BPIFB6: variants seen among roughly 807,000 people sequenced by gnomAD.
BPIFB6 encodes BPI fold-containing family B member 6.
A neutral mutation model predicts 54.7 loss-of-function variants in BPIFB6; 47 were observed. The ratio of observed to expected loss-of-function variants is 0.86; its 90% confidence interval spans 0.68 to 1.10. The LOEUF (loss-of-function observed/expected upper bound fraction) is 1.10. Among genes scored for constraint, BPIFB6 ranks in the 50% least tolerant of loss-of-function variants. The pLI is 0.00. For missense variants in BPIFB6, 603 were observed against 564.1 expected, an observed-to-expected ratio of 1.07 and a Z score of -0.70; for synonymous variants, 255 against 225.9, an observed-to-expected ratio of 1.13 and a Z score of -1.16.
At chr20:33,033,986 T>G (rs984968672) in intron 2 of BPIFB6, among the ~76,000 whole-genome samples, 200 bp from the exon 3 acceptor site, 1 of 152,088 alleles carries the variant, frequency 6.6e-6, no homozygotes, top group African/African-American at 2.4e-5. Flanking sequence ...ATATAATGAG[T>G]GCTTTCTATA....
intron 11 of BPIFB6, among the ~76,000 whole-genome samples, chr20:33,041,508 T>TAG (rs1568987891): frequency 6.6e-6 from 1 of 152,038 alleles, no homozygotes; most frequent in Non-Finnish European, 1.5e-5. Context: ...GTTACTGGAA[T>TAG]AGAGAATAGA....
chr20:33,036,405 G>A lies in BPIFB6; in HGVS notation c.578-40G>A, dbSNP rs752561190. On this transcript the variant is annotated intron_variant, in intron 6 of 14. Coordinates refer to ENST00000349552, the MANE Select transcript of BPIFB6 (RefSeq NM_174897.2). ...TGCCAGCTTCTCTGGGCTGTTCCTG[G>A]GGTTGGTGCCTCTTTGAGTGGAACC... The A allele has an allele frequency of 1.0e-4, 158 of 1,551,482 alleles. 7 individuals carry two copies. In the South Asian group the frequency reaches 1.9e-3, roughly 18 times the overall value.
chr20:33,035,764 C>T, intron 6 of BPIFB6, 92 bp downstream of exon 6: 2 of 1,336,270 alleles, frequency 1.5e-6, no homozygotes, highest in Non-Finnish European at 2.2e-6. Context: ...GTGCCTGCTT[C>T]CAGCCCAGCC....
intron 5 of BPIFB6, 27 bp from the exon 6 acceptor site, chr20:33,035,585 T>A: frequency 6.2e-7 from 1 of 1,613,608 alleles, no homozygotes; most frequent in Non-Finnish European, 8.5e-7. Context: ...AGGGACCCTC[T>A]CAGCCCAGTG....
At chr20:33,042,153 C>T (rs1979617915) in intron 12 of BPIFB6, 138 bp downstream of exon 12, 1 of 816,664 alleles carries the variant, frequency 1.2e-6, no homozygotes, top group East Asian at 2.7e-5. Context: ...GCGCACCTGA[C>T]TTGCCGTGTG....
intron 3 of BPIFB6, 82 bp downstream of exon 3, chr20:33,034,372 C>A (rs1979240176): frequency 5.2e-6 from 5 of 968,904 alleles, no homozygotes; most frequent in South Asian, 1.3e-5. Flanking sequence ...TGAGTGCCTA[C>A]TGTGTACCAT....
chr20:33,040,985 CTTTTTT>C (rs59134684), intron 11 of BPIFB6, among the ~76,000 whole-genome samples: 2 of 116,846 alleles, frequency 1.7e-5, no homozygotes. Flanking sequence ...AGGAGTAGTT[CTTTTTT>C]TTTTTTTTTT....
Position 33,042,840 on chromosome 20 carries a change from C to T in BPIFB6, c.1214C>T (p.Thr405Ile), listed in dbSNP as rs151104041. 1.2e-6 allele frequency: 2 copies of T among 1,614,202 alleles called. No individual in the cohort carries two copies. Among genetic ancestry groups the T allele is most frequent in the Non-Finnish European group, 1.7e-6 (2 of 1,180,022 alleles). The stretch of plus-strand genomic sequence containing the variant: ...GAGAGGGAATTAACTGGCTTCATCA[C>T]CAGCTATCTCGAAGAAGCCTACATC... ...FNERELTGFITSYLEEAYIPV... is the reference protein window; with the variant it reads ...FNERELTGFIISYLEEAYIPV... The change falls in exon 13 of 15, where the codon ACC becomes ATC. Residue 405 changes from threonine to isoleucine, a missense_variant. Thr to Ile is a moderately conservative substitution (Grantham distance 89). Transcript: ENST00000349552.
intron 9 of BPIFB6, 87 bp downstream of exon 9, chr20:33,039,049 C>A: frequency 1.4e-6 from 2 of 1,399,070 alleles, no homozygotes; most frequent in Non-Finnish European, 2.0e-6. Flanking sequence ...TGGGAGACAG[C>A]TTTTCATGCC....
chr20:33,033,474 G>C (rs1395457098), intron 2 of BPIFB6: 3 of 454,206 alleles, frequency 6.6e-6, no homozygotes, highest in Non-Finnish European at 1.3e-5. Context: ...TCCTCTGCCA[G>C]TGCCACATGA....
At chr20:33,038,293 C>T (rs572510609) in intron 8 of BPIFB6, among the ~76,000 whole-genome samples, 79 of 152,274 alleles carry the variant, frequency 5.2e-4, no homozygotes, top group Non-Finnish European at 9.7e-4. Flanking sequence ...GTTCATTCCC[C>T]GCTGATCTAT....
rs749535335 is a variant in BPIFB6 at position 33,037,545 on chromosome 20, C to T, written c.670-17C>T. On this transcript the variant is annotated splice_polypyrimidine_tract_variant and intron_variant, in intron 7 of 14. Transcript: ENST00000349552. ...CTCTCGGCCAAGGCTGAGTGTCTCC[C>T]TCCTGCTGCCCCATAGCCTGTGGTG... 1 of 1,592,796 alleles carries T rather than the reference C, an allele frequency of 6.3e-7. No individual in the cohort carries two copies. The highest frequency in any genetic ancestry group is 1.7e-5 in the Admixed American group (1 of 58,368).
intron 3 of BPIFB6, 120 bp from the exon 4 acceptor site, chr20:33,034,643 G>A (rs1979250416): frequency 1.7e-6 from 2 of 1,149,658 alleles, no homozygotes; most frequent in Admixed American, 4.5e-5. Flanking sequence ...TTTCTGTCTT[G>A]TAGGGGTGGT....
intron 8 of BPIFB6, 137 bp downstream of exon 8, chr20:33,037,875 C>T: frequency 3.3e-6 from 3 of 915,528 alleles, no homozygotes; most frequent in Non-Finnish European, 5.0e-6. Flanking sequence ...ATTTGAGTTT[C>T]TCTCAGCAGT....
chr20:33,041,931 TC>T lies in BPIFB6; in HGVS notation c.1143-35del, dbSNP rs538568651. On this transcript the variant is annotated intron_variant, in intron 11 of 14. Coordinates refer to ENST00000349552, the MANE Select transcript of BPIFB6 (RefSeq NM_174897.2). ...AGGGCCACTGGCTCTGACCGTTCTT[TC>T]CCCTCCCCGCCTGGCTTGCTTCCCC... The T allele has an allele frequency of 4.5e-5, 72 of 1,605,954 alleles. No homozygotes were observed. In the African/African-American group the frequency reaches 8.2e-4, roughly 18 times the overall value.
At position 33,037,589 on chromosome 20, in the gene BPIFB6, A is replaced by G. The variant is rs764660272; in HGVS notation, c.697A>G (p.Thr233Ala). 3 of 1,613,248 alleles carry G rather than the reference A, an allele frequency of 1.9e-6. No individual in the cohort carries two copies. In the South Asian group the frequency reaches 3.3e-5, roughly 18 times the overall value. ...TGTGGTGCAGCAGCAAAAGGGCAAA[A>G]CCATCAAGCTTGCTGATGCCGGGGA... ...SPVVQQQKGK[T>A]IKLADAGEAL... Residue 233 changes from threonine to alanine, a missense_variant, in exon 8 of 15, where the codon ACC becomes GCC. By Grantham distance (58) the Thr-to-Ala change is moderately conservative. Transcript: ENST00000349552.
chr20:33,036,518 C>CA lies in BPIFB6; in HGVS notation c.652dup (p.Ile218AsnfsTer21), dbSNP rs749271021. The stretch of plus-strand genomic sequence containing the variant: ...CCGCACCAGCCACCACAGCCAGCTA[C>CA]ATCCAACTGGACTTCAGTGTAAGCG... On this transcript the variant is annotated frameshift_variant, in exon 7 of 15. Coordinates refer to ENST00000349552, the MANE Select transcript of BPIFB6 (RefSeq NM_174897.2). LOFTEE classifies it high-confidence loss of function. The CA allele has an allele frequency of 1.2e-6, 2 of 1,614,222 alleles. No individual in the cohort carries two copies. The highest frequency in any genetic ancestry group is 1.7e-6 in the Non-Finnish European group (2 of 1,180,026).
intron 4 of BPIFB6, 24 bp from the exon 5 acceptor site, chr20:33,035,057 T>A (rs1337202276): frequency 6.2e-7 from 1 of 1,613,418 alleles, no homozygotes; most frequent in African/African-American, 1.3e-5. Context: ...TGCCCACCTA[T>A]CCTCGGTGCC....
At chr20:33,042,118 C>T in intron 12 of BPIFB6, 103 bp downstream of exon 12, 1 of 1,202,948 alleles carries the variant, frequency 8.3e-7, no homozygotes, top group Non-Finnish European at 1.2e-6. Context: ...GGCAGATGAA[C>T]AGAGCAAGGC....
Sources: gnomAD v4.1 joint callset for allele counts (sites outside exome capture counted in the v4.1 genomes callset) on GRCh38, gnomAD v4.1.1 for gene constraint, MANE v1.5 for transcripts, NCBI Gene and HGNC (gene_info 2026-07-23, HGNC 2026-07-21) for gene names.